The following CFAP74 variants were observed in gnomAD, a reference collection of about 807,000 sequenced individuals.
CFAP74 encodes cilia- and flagella-associated protein 74.
CFAP74 carries 124 observed loss-of-function variants against 188.9 expected under a neutral mutation model. That is an observed-to-expected ratio of 0.66 (90% CI 0.57 to 0.76). The LOEUF (loss-of-function observed/expected upper bound fraction) is 0.76. Ranked by LOEUF, CFAP74 falls within the 30% of genes least tolerant of loss-of-function variation. CFAP74 has a pLI of 0.00. For missense variants in CFAP74, 2,198 were observed against 2,165.2 expected (o/e 1.02, Z -0.30); for synonymous variants, 956 against 916.7 (o/e 1.04, Z -0.77).
At chr1:1,992,505 G>A (rs574912184) in intron 1 of CFAP74, among the ~76,000 whole-genome samples, 11 of 148,230 alleles carry the variant, frequency 7.4e-5, no homozygotes, top group African/African-American at 2.3e-4. Flanking sequence ...ATGAAGTCTC[G>A]CTCAGTCTCC....
intron 20 of CFAP74, 77 bp downstream of exon 20, chr1:1,946,240 G>C: frequency 6.9e-7 from 1 of 1,454,368 alleles, no homozygotes; most frequent in South Asian, 1.4e-5. Context: ...CGACCTTGTG[G>C]CCAAGGGCAG....
intron 23 of CFAP74, 65 bp from the exon 24 acceptor site, chr1:1,939,832 T>A (rs1653240734): frequency 9.0e-6 from 13 of 1,448,850 alleles, no homozygotes; most frequent in Non-Finnish European, 1.2e-5. Context: ...CTCCCCAAAC[T>A]CTGAGGCGCA....
rs74046239 is a variant in CFAP74, at chr1:1,943,076, G to A, written c.2487-920C>T. Reference sequence around the variant, plus strand: ...GGTGCTCAGAGACCGCGCCCTCCCCGTCAGGCAGACGCTGCTCTGCCTTCC... The same window carrying A: ...GGTGCTCAGAGACCGCGCCCTCCCCATCAGGCAGACGCTGCTCTGCCTTCC... On this transcript the variant is annotated intron_variant, in intron 21 of 38. Transcript: ENST00000682832. 5.9e-3 allele frequency among the ~76,000 whole-genome samples: 906 copies of A among 152,284 alleles called. 6 individuals are homozygous for A. The highest frequency in any genetic ancestry group is 0.02 in the African/African-American group (842 of 41,546).
At position 1,965,069 on chromosome 1, in the gene CFAP74, TCA is replaced by T. The variant is rs1453085577; in HGVS notation, c.1402-10_1402-9del. The T allele has an allele frequency of 1.2e-6, 2 of 1,610,022 alleles. No individual in the cohort carries two copies. Among genetic ancestry groups the T allele is most frequent in the Admixed American group, 1.7e-5 (1 of 59,422 alleles). ...CACGTCCTCCTTGGGCACCTGGGGG[TCA>T]CAGAGACAGAGGCTGGGGCTGTTAG... On this transcript the variant is annotated splice_polypyrimidine_tract_variant and intron_variant, in intron 12 of 38. Coordinates refer to ENST00000682832, the MANE Select transcript of CFAP74 (RefSeq NM_001304360.2).
chr1:1,937,157 C>T (rs1652957455), intron 25 of CFAP74, among the ~76,000 whole-genome samples: 1 of 152,198 alleles, frequency 6.6e-6, no homozygotes, highest in South Asian at 2.1e-4. Flanking sequence ...GCAACATGGC[C>T]GTGATTACGG....
At chr1:1,929,048 C>T (rs966758257) in intron 26 of CFAP74, among the ~76,000 whole-genome samples, 166 bp from the exon 27 acceptor site, 1 of 152,028 alleles carries the variant, frequency 6.6e-6, no homozygotes, top group South Asian at 2.1e-4. Context: ...TGACCTCTGT[C>T]CCCCAGGAGG....
At chr1:1,936,505 C>T (rs1449148693) in intron 25 of CFAP74, among the ~76,000 whole-genome samples, 1 of 151,500 alleles carries the variant, frequency 6.6e-6, no homozygotes, top group Admixed American at 6.6e-5. Flanking sequence ...GATCATGCCA[C>T]TGCACTCCAG....
At position 1,922,181 on chromosome 1, in the gene CFAP74, C is replaced by T; in HGVS notation, c.*106G>A. On this transcript the variant is annotated 3_prime_UTR_variant, in exon 39 of 39. Coordinates refer to ENST00000682832, the MANE Select transcript of CFAP74 (RefSeq NM_001304360.2). ...TGGAGGGCGGCCTATTGGAATCTGGCAGAGGATGGCCAGGTCCCAGGCTCT... is the reference window on the plus strand; with the variant it reads ...TGGAGGGCGGCCTATTGGAATCTGGTAGAGGATGGCCAGGTCCCAGGCTCT... 2 of 856,566 alleles carry T rather than the reference C, an allele frequency of 2.3e-6. No individual in the cohort carries two copies. Among genetic ancestry groups the T allele is most frequent in the Non-Finnish European group, 3.8e-6 (2 of 532,168 alleles). The allele number at this position is 856,566 out of a possible 1,614,324, so 53.1% of individuals were successfully genotyped here.
At chr1:1,954,176 A>C (rs28657980) in intron 18 of CFAP74, 11,898 of 152,294 alleles carry the variant, frequency 0.078, 1,510 homozygotes, top group African/African-American at 0.27. Context: ...CCCCCAGACA[A>C]GCAGCCCCGG....
Position 1,942,184 on chromosome 1 carries a change from C to A in CFAP74, c.2487-28G>T. The A allele has an allele frequency of 6.8e-7, 1 of 1,473,340 alleles. No individual in the cohort carries two copies. Among genetic ancestry groups the A allele is most frequent in the South Asian group, 1.3e-5 (1 of 74,466 alleles). 91.3% of individuals were successfully genotyped at this position (1,473,340 alleles called of 1,614,324 possible). On this transcript the variant is annotated intron_variant, in intron 21 of 38. Coordinates refer to ENST00000682832, the MANE Select transcript of CFAP74 (RefSeq NM_001304360.2). The surrounding 1 kb of genome is among the most constrained non-coding windows in gnomAD (Gnocchi z 4.3). ...GTGGGCGTGTCGCAGGGCACTGGGT[C>A]AGGTGCCACAGTCGTGATTCTGTGT...
At chr1:1,943,314 C>T (rs558736834) in intron 21 of CFAP74, among the ~76,000 whole-genome samples, 283 of 152,372 alleles carry the variant, frequency 1.9e-3, no homozygotes, top group African/African-American at 6.5e-3. Context: ...GCAGACACGC[C>T]AACACACGCA....
intron 6 of CFAP74, among the ~76,000 whole-genome samples, chr1:1,979,225 G>A (rs1481088107): frequency 1.0e-5 from 1 of 98,874 alleles, no homozygotes; most frequent in African/African-American, 4.0e-5. Flanking sequence ...GTCATGTGAC[G>A]AGGCTGCACA....
At position 1,923,504 on chromosome 1, in the gene CFAP74, G is replaced by C. The variant is rs1344741410; in HGVS notation, c.4390-5C>G. On this transcript the variant is annotated splice_region_variant and splice_polypyrimidine_tract_variant and intron_variant, in intron 35 of 38. Coordinates refer to ENST00000682832, the MANE Select transcript of CFAP74 (RefSeq NM_001304360.2). The surrounding 1 kb of genome is among the most constrained non-coding windows in gnomAD (Gnocchi z 6.3). ...CAGGATCTGGTGGGAGATTTTCTGG[G>C]GACAAGAAGTGGAGTGGCCTTGTCC... 6.2e-7 allele frequency: 1 copy of C among 1,606,764 alleles called. No homozygotes were observed. Among genetic ancestry groups the C allele is most frequent in the Admixed American group, 1.7e-5 (1 of 59,788 alleles).
chr1:1,963,899 G>A (rs773628330), intron 13 of CFAP74, 32 bp from the exon 14 acceptor site: 15 of 1,393,198 alleles, frequency 1.1e-5, no homozygotes, highest in East Asian at 4.6e-5. Flanking sequence ...GCTTCAGAGC[G>A]GGTCACAGGG....
intron 18 of CFAP74, 64 bp from the exon 19 acceptor site, chr1:1,947,118 C>A: frequency 1.6e-6 from 2 of 1,235,068 alleles, no homozygotes; most frequent in South Asian, 1.3e-5. Flanking sequence ...GCCCAGGCCC[C>A]CTTGGGACGT....
At chr1:1,932,087 C>CGAAAA (rs1652444700) in intron 25 of CFAP74, among the ~76,000 whole-genome samples, 1 of 53,666 alleles carries the variant, frequency 1.9e-5, no homozygotes, top group Non-Finnish European at 5.6e-5. Context: ...AAACAAAAAA[C>CGAAAA]AAAAAACAAA....
At position 1,975,938 on chromosome 1, in the gene CFAP74, C is replaced by T. The variant is rs1487234477; in HGVS notation, c.501-1740G>A. Among the ~76,000 whole-genome samples, 1 of 152,180 alleles carries T rather than the reference C, an allele frequency of 6.6e-6. No homozygotes were observed. The highest frequency in any genetic ancestry group is 1.5e-5 in the Non-Finnish European group (1 of 68,034). ...GCCCATTCCTGCTGCTGTAGGAAAA[C>T]ACCCACGACCGGGTCTTCGCAAACA... On this transcript the variant is annotated intron_variant, in intron 6 of 38. Coordinates refer to ENST00000682832, the MANE Select transcript of CFAP74 (RefSeq NM_001304360.2). The surrounding 1 kb of genome is among the most constrained non-coding windows in gnomAD (Gnocchi z 4.5).
In CFAP74 at chr1:1,959,237, A is replaced by G. The variant is rs1386037382; in HGVS notation, c.1762-28T>C. 2.9e-6 allele frequency: 4 copies of G among 1,398,500 alleles called. No individual in the cohort carries two copies. The Admixed American group carries it at 5.3e-5, about 18-fold the overall frequency. The allele number at this position is 1,398,500 out of a possible 1,614,324, so 86.6% of individuals were successfully genotyped here. A position where few individuals can be genotyped will look rare whatever the true frequency, so the allele number is the denominator to read the frequency against. On this transcript the variant is annotated intron_variant, in intron 15 of 38. Coordinates refer to ENST00000682832, the MANE Select transcript of CFAP74 (RefSeq NM_001304360.2). Reference sequence around the variant, plus strand: ...AAAACATAAAACAACCCCCACCACAATACACTTCTGCAACTTTTGTGTGTT... The same window carrying G: ...AAAACATAAAACAACCCCCACCACAGTACACTTCTGCAACTTTTGTGTGTT...
chr1:1,976,325 G>A (rs975827311), intron 6 of CFAP74, among the ~76,000 whole-genome samples: 6 of 152,194 alleles, frequency 3.9e-5, no homozygotes, highest in South Asian at 2.1e-4. Flanking sequence ...CGGGTGGGCC[G>A]TCTCCTTGGT....
Sources: gnomAD v4.1 joint callset for allele counts (sites outside exome capture counted in the v4.1 genomes callset) on GRCh38, gnomAD v4.1.1 for gene constraint, Gnocchi (gnomAD v3.1) non-coding constraint, MANE v1.5 for transcripts, NCBI Gene and HGNC (gene_info 2026-07-23, HGNC 2026-07-21) for gene names.